GABRG3: variants seen among roughly 807,000 people sequenced by gnomAD.
The protein encoded by GABRG3 is gamma-aminobutyric acid type A receptor subunit gamma3.
A neutral mutation model predicts 48.8 loss-of-function variants in GABRG3; 25 were observed. The observed-to-expected ratio is 0.51, with a 90% CI of 0.37 to 0.72. The LOEUF (loss-of-function observed/expected upper bound fraction) is 0.72. GABRG3 is among the 30% of genes least tolerant of loss of function. The pLI is 0.00. For synonymous variants in GABRG3, 227 were observed against 217.6 expected (o/e 1.04, Z -0.38); for missense variants, 394 against 577.9 (o/e 0.68, Z 3.26).
intron 2 of GABRG3, among the ~76,000 whole-genome samples, chr15:27,010,872 G>A (rs1170519334): frequency 6.6e-6 from 1 of 152,098 alleles, no homozygotes; most frequent in East Asian, 1.9e-4. Flanking sequence ...TTGATATGGA[G>A]TGTCACTTTG....
At chr15:27,005,733 A>G (rs1895571537) in intron 2 of GABRG3, among the ~76,000 whole-genome samples, 1 of 152,190 alleles carries the variant, frequency 6.6e-6, no homozygotes, top group Non-Finnish European at 1.5e-5. Flanking sequence ...CTTGTTCAGA[A>G]TTCATACAGC....
At chr15:27,237,922 A>G (rs1318490030) in intron 3 of GABRG3, among the ~76,000 whole-genome samples, 1 of 152,214 alleles carries the variant, frequency 6.6e-6, no homozygotes, top group Non-Finnish European at 1.5e-5. Context: ...TTATATTTAC[A>G]CCTGTTATGC....
intron 5 of GABRG3, among the ~76,000 whole-genome samples, chr15:27,388,037 A>AAGGAAGGAAGGAAAGG (rs1896005229): frequency 1.0e-5 from 1 of 96,138 alleles, no homozygotes; most frequent in East Asian, 3.8e-4. Context: ...GGAGGAAAGG[A>AAGGAAGGAAGGAAAGG]AGGAAGGAAG....
At chr15:27,454,394 CT>C (rs1889200183) in intron 5 of GABRG3, among the ~76,000 whole-genome samples, 1 of 152,146 alleles carries the variant, frequency 6.6e-6, no homozygotes, top group Non-Finnish European at 1.5e-5. Flanking sequence ...TAGTAGAGGT[CT>C]ACATGCAGGA....
intron 6 of GABRG3, among the ~76,000 whole-genome samples, chr15:27,500,955 T>TTG (rs1434523958): frequency 2.7e-5 from 4 of 147,370 alleles, no homozygotes; most frequent in Non-Finnish European, 4.5e-5. Context: ...AACGTATGTT[T>TTG]TTTTTTTTTT....
At chr15:27,312,267 TAAGAA>T (rs1345906331) in intron 3 of GABRG3, among the ~76,000 whole-genome samples, 4 of 151,382 alleles carry the variant, frequency 2.6e-5, no homozygotes, top group South Asian at 2.1e-4. Flanking sequence ...GGAGCAAAAA[TAAGAA>T]AAGAATAAAG....
chr15:27,046,444 C>A (rs992726927), intron 3 of GABRG3, among the ~76,000 whole-genome samples: 1 of 152,178 alleles, frequency 6.6e-6, no homozygotes, highest in African/African-American at 2.4e-5. Flanking sequence ...TACTCAGTGT[C>A]CCCTGGCTCA....
chr15:27,524,681 A>G (rs1891233316), intron 7 of GABRG3, among the ~76,000 whole-genome samples: 1 of 152,104 alleles, frequency 6.6e-6, no homozygotes, highest in South Asian at 2.1e-4. Flanking sequence ...ATAATACTGG[A>G]GGAACCACTA....
intron 5 of GABRG3, among the ~76,000 whole-genome samples, chr15:27,434,241 T>C (rs1888541516): frequency 6.6e-6 from 1 of 152,224 alleles, no homozygotes; most frequent in African/African-American, 2.4e-5. Flanking sequence ...TAGTGTGTTT[T>C]AAGTTTGTGT....
intron 5 of GABRG3, among the ~76,000 whole-genome samples, chr15:27,461,234 G>C (rs1407150256): frequency 6.6e-6 from 1 of 152,144 alleles, no homozygotes; most frequent in Non-Finnish European, 1.5e-5. Context: ...CTTCATTCAA[G>C]CTGTCAAAAA....
At chr15:27,317,783 G>C (rs1000978505) in intron 3 of GABRG3, among the ~76,000 whole-genome samples, 4 of 151,646 alleles carry the variant, frequency 2.6e-5, no homozygotes, top group Admixed American at 1.3e-4. Context: ...GTGATTGAGA[G>C]GTTTTTTCAA....
At chr15:27,480,598 A>G in intron 5 of GABRG3, 52 bp from the exon 6 acceptor site, 1 of 1,465,700 alleles carries the variant, frequency 6.8e-7, no homozygotes, top group Non-Finnish European at 9.3e-7. Flanking sequence ...TTTCACTTTA[A>G]TGATTTATAA....
intron 3 of GABRG3, among the ~76,000 whole-genome samples, chr15:27,307,025 T>TAAACATATATAAACATGTTTATATA (rs1892570122): frequency 8.2e-6 from 1 of 121,796 alleles, no homozygotes; most frequent in Non-Finnish European, 1.6e-5. Flanking sequence ...TGTTTATATA[T>TAAACATATATAAACATGTTTATATA]AAACATGTAT....
rs1887841861 is a variant in GABRG3, at chr15:27,179,150, A to C, written c.271-147659A>C. Among the ~76,000 whole-genome samples, 2 of 152,196 alleles carry C rather than the reference A, an allele frequency of 1.3e-5. No individual in the cohort carries two copies. Among genetic ancestry groups the C allele is most frequent in the Admixed American group, 6.5e-5 (1 of 15,276 alleles). On this transcript the variant is annotated intron_variant, in intron 3 of 9. Coordinates refer to ENST00000615808, the MANE Select transcript of GABRG3 (RefSeq NM_033223.5). The surrounding 1 kb of genome is among the most constrained non-coding windows in gnomAD (Gnocchi z 4.0). Reference sequence around the variant, plus strand: ...CAAAGAAAACTCATGGAAGCTTACAAGTCAGAAATTATGAAAATCCTCTTC... The same window carrying C: ...CAAAGAAAACTCATGGAAGCTTACACGTCAGAAATTATGAAAATCCTCTTC...
intron 3 of GABRG3, among the ~76,000 whole-genome samples, chr15:27,235,038 C>G (rs904074298): frequency 5.3e-5 from 8 of 152,134 alleles, no homozygotes; most frequent in Non-Finnish European, 1.0e-4. Flanking sequence ...TTTTGATCCC[C>G]TTTCTACCCA....
chr15:27,306,692 GTTTATATATAAACATATACAATATA>G (rs1169251835), intron 3 of GABRG3, among the ~76,000 whole-genome samples: 1 of 103,306 alleles, frequency 9.7e-6, no homozygotes, highest in Admixed American at 1.0e-4. Context: ...ATATGAACAT[GTTTATATATAAACATATACAATATA>G]AACATGTTTA....
At chr15:27,314,246 A>C (rs1893135614) in intron 3 of GABRG3, among the ~76,000 whole-genome samples, 1 of 152,170 alleles carries the variant, frequency 6.6e-6, no homozygotes, top group South Asian at 2.1e-4. Flanking sequence ...TGAAAAATGG[A>C]CTAAAGACTT....
chr15:27,470,970 G>A (rs1384001706), intron 5 of GABRG3, among the ~76,000 whole-genome samples: 3 of 151,862 alleles, frequency 2.0e-5, no homozygotes, highest in Admixed American at 6.6e-5. Context: ...CTGCCCAGTG[G>A]GTTCATCTTG....
chr15:27,116,214 A>G (rs1389777928), intron 3 of GABRG3, among the ~76,000 whole-genome samples: 5 of 152,234 alleles, frequency 3.3e-5, no homozygotes, highest in African/African-American at 1.2e-4. Flanking sequence ...TTCATGCTAC[A>G]CTTGGGCCCC....
Sources: allele counts gnomAD v4.1 joint callset (sites outside exome capture counted in the v4.1 genomes callset), GRCh38; gene constraint gnomAD v4.1.1; non-coding constraint Gnocchi (gnomAD v3.1); transcripts MANE v1.5; gene names NCBI Gene and HGNC (gene_info 2026-07-23, HGNC 2026-07-21).